Variants in URB1 observed in about 807,000 individuals in gnomAD.
URB1 encodes the protein nucleolar pre-ribosomal-associated protein 1.
Under a neutral mutation model 242.3 loss-of-function variants are expected in URB1, and 197 were observed. The observed-to-expected ratio is 0.81, with a 90% CI of 0.72 to 0.91. URB1 has a LOEUF of 0.91. URB1 is among the 40% of genes least tolerant of loss of function. The pLI is 0.00. For synonymous variants in URB1, 1,153 were observed against 1,201.8 expected (o/e 0.96, Z 0.84); for missense variants, 2,721 against 2,860.5 (o/e 0.95, Z 1.11).
chr21:32,342,430 G>A (rs2033040398), intron 24 of URB1, among the ~76,000 whole-genome samples: 1 of 152,150 alleles, frequency 6.6e-6, no homozygotes, highest in Admixed American at 6.5e-5. Context: ...AGGAGATCCT[G>A]GACCCATCAG....
rs751332796 is a variant in URB1 at position 32,345,277 on chromosome 21, A to G, written c.4070+97T>C. On this transcript the variant is annotated intron_variant, in intron 23 of 38. Coordinates refer to ENST00000382751, the MANE Select transcript of URB1 (RefSeq NM_014825.3). ...ACTGCCTGATCACAGATGGGGCACA[A>G]CAGTAATGCAGCAGTTTTTCAATGA... 241 of 1,324,134 alleles carry G rather than the reference A, an allele frequency of 1.8e-4. 1 individual carries two copies. Among genetic ancestry groups the G allele is most frequent in the Non-Finnish European group, 2.3e-4 (221 of 955,070 alleles). The allele number at this position is 1,324,134 out of a possible 1,614,324, so 82.0% of individuals were successfully genotyped here. A position where few individuals can be genotyped will look rare whatever the true frequency, so the allele number is the denominator to read the frequency against.
chr21:32,389,773 G>C (rs80033452), intron 1 of URB1, among the ~76,000 whole-genome samples: 2,045 of 152,318 alleles, frequency 0.013, 60 homozygotes, highest in African/African-American at 0.047. Flanking sequence ...CACCAGTGGA[G>C]TCGTGGGCAA....
Position 32,334,305 on chromosome 21 carries a change from T to A in URB1, c.4715A>T (p.Glu1572Val). The A allele has an allele frequency of 6.4e-7, 1 of 1,550,874 alleles. No individual in the cohort carries two copies. Among genetic ancestry groups the A allele is most frequent in the Non-Finnish European group, 8.7e-7 (1 of 1,146,510 alleles). ...CAGGCTCCGGCACGTCTTGTGATGC[T>A]CCACGGCCGCTGGGCCCCACAGCAG... ...RVLLWGPAAVEHHKTCRSLGR... is the reference protein window; with the variant it reads ...RVLLWGPAAVVHHKTCRSLGR... The change falls in exon 29 of 39, where the codon GAG becomes GTG. Residue 1572 changes from glutamate to valine, a missense_variant. Glu to Val is a moderately radical substitution (Grantham distance 121). Transcript: ENST00000382751.
chr21:32,390,456 A>G (rs1025060115), intron 1 of URB1, among the ~76,000 whole-genome samples: 1 of 143,372 alleles, frequency 7.0e-6, no homozygotes, highest in Non-Finnish European at 1.5e-5. Context: ...TCCTTTGCCC[A>G]CTTTTTGATG....
chr21:32,356,459 A>C (rs1013857176), intron 15 of URB1, among the ~76,000 whole-genome samples: 1 of 152,198 alleles, frequency 6.6e-6, no homozygotes, highest in African/African-American at 2.4e-5. Flanking sequence ...CATTTCCTAA[A>C]TAAAAAGAAG....
In URB1 at chr21:32,325,323, C is replaced by T; in HGVS notation, c.5027G>A (p.Ser1676Asn). The T allele has an allele frequency of 6.4e-7, 1 of 1,551,716 alleles. No homozygotes were observed. Among genetic ancestry groups the T allele is most frequent in the Non-Finnish European group, 8.7e-7 (1 of 1,146,998 alleles). Residue 1676 changes from serine to asparagine, a missense_variant, in exon 31 of 39, where the codon AGC (serine) becomes AAC (asparagine). By Grantham distance (46) the Ser-to-Asn change is conservative. Coordinates refer to ENST00000382751, the MANE Select transcript of URB1 (RefSeq NM_014825.3). ...NALGLTVTAL[S>N]SYDPQMRAIA... is the part of the protein sequence containing the mutation. ...GGCTCGCATCTGGGGGTCATAGCTG[C>T]TGAGGGCTGTGACAGTTAGGCCCAG...
At chr21:32,330,384 G>A (rs369779792) in intron 30 of URB1, among the ~76,000 whole-genome samples, 78 of 150,726 alleles carry the variant, frequency 5.2e-4, no homozygotes, top group African/African-American at 1.7e-3. Context: ...TTAAATAGTC[G>A]TATTTGGAAA....
chr21:32,363,526 T>C (rs536322416), intron 10 of URB1, among the ~76,000 whole-genome samples, 197 bp from the exon 11 acceptor site: 5 of 152,310 alleles, frequency 3.3e-5, no homozygotes, highest in African/African-American at 1.2e-4. Context: ...CTTCAGCAAT[T>C]GCCAGGAAAT....
chr21:32,333,927 AAT>A (rs751158295), intron 29 of URB1, among the ~76,000 whole-genome samples: 12 of 152,228 alleles, frequency 7.9e-5, no homozygotes, highest in Admixed American at 7.9e-4. Flanking sequence ...GCTGCAACAT[AAT>A]CTCCTTGGGG....
At chr21:32,386,054 A>C (rs1264450259) in intron 1 of URB1, among the ~76,000 whole-genome samples, 1 of 151,568 alleles carries the variant, frequency 6.6e-6, no homozygotes, top group Admixed American at 6.6e-5. Context: ...TGGGAGGCTG[A>C]GGCAGAATTG....
Position 32,347,393 on chromosome 21 carries a change from G to C in URB1, c.3431C>G (p.Pro1144Arg). The change falls in exon 22 of 39, where the codon CCC becomes CGC. Residue 1144 changes from proline (P) to arginine (R), a missense_variant. Coordinates refer to ENST00000382751, the MANE Select transcript of URB1 (RefSeq NM_014825.3). ...AGCATTCAGGTGTCTTTCCTTCCCGGGGGATTTCGTGGGTTGCTGGGTCAC... is the reference window on the plus strand; with the variant it reads ...AGCATTCAGGTGTCTTTCCTTCCCGCGGGATTTCGTGGGTTGCTGGGTCAC... The part of the protein sequence containing the change: ...HLVTQQPTKS[P>R]GKERHLNALG... 6.4e-7 allele frequency: 1 copy of C among 1,551,510 alleles called. No individual in the cohort carries two copies. Among genetic ancestry groups the C allele is most frequent in the Non-Finnish European group, 8.7e-7 (1 of 1,146,996 alleles).
chr21:32,373,861 T>C, intron 6 of URB1, 89 bp from the exon 7 acceptor site: 1 of 1,209,896 alleles, frequency 8.3e-7, no homozygotes, highest in Non-Finnish European at 1.1e-6. Context: ...CTTACTGTTT[T>C]CTCATCATTA....
intron 30 of URB1, among the ~76,000 whole-genome samples, chr21:32,329,570 C>T (rs1424127982): frequency 2.0e-5 from 3 of 152,232 alleles, no homozygotes; most frequent in African/African-American, 4.8e-5. Flanking sequence ...AAGCATTTGT[C>T]ACTGCCATTG....
Position 32,347,950 on chromosome 21 carries a change from C to A in URB1, c.3013-139G>T, listed in dbSNP as rs376490181. On this transcript the variant is annotated intron_variant, in intron 21 of 38. Coordinates refer to ENST00000382751, the MANE Select transcript of URB1 (RefSeq NM_014825.3). ...TTTCCTAATCCATTCCATCCTCAAG[C>A]CTACATTTCCATGCCCCCCTCGGGG... The A allele has an allele frequency of 8.5e-5, 115 of 1,358,280 alleles. No homozygotes were observed. The African/African-American group carries it at 1.5e-3, about 18-fold the overall frequency. 84.1% of individuals were successfully genotyped at this position (1,358,280 alleles called of 1,614,324 possible).
intron 30 of URB1, 118 bp downstream of exon 30, chr21:32,333,199 G>A: frequency 2.3e-6 from 2 of 856,574 alleles, no homozygotes; most frequent in African/African-American, 1.7e-5. Context: ...GATCCTTTAA[G>A]AATTATTTCC....
chr21:32,315,941 C>T (rs900476453), intron 38 of URB1, among the ~76,000 whole-genome samples: 1 of 152,214 alleles, frequency 6.6e-6, no homozygotes, highest in African/African-American at 2.4e-5. Context: ...GGAGCTCTAA[C>T]GGCCCCCTGG....
intron 30 of URB1, among the ~76,000 whole-genome samples, chr21:32,329,439 A>ATT (rs2123555366): frequency 6.6e-6 from 1 of 152,290 alleles, no homozygotes; most frequent in Non-Finnish European, 1.5e-5. Context: ...CTGGTCATCT[A>ATT]GTGATGAGGC....
chr21:32,383,131 C>A (rs1161601108), intron 4 of URB1, among the ~76,000 whole-genome samples: 1 of 152,188 alleles, frequency 6.6e-6, no homozygotes, highest in Non-Finnish European at 1.5e-5. Context: ...AGAGGAGATG[C>A]CCACAGCTAA....
rs2123542336 is a variant in URB1, at chr21:32,319,427, A to G, written c.5595-13T>C. The G allele has an allele frequency of 6.7e-7, 1 of 1,501,560 alleles. No individual in the cohort carries two copies. The highest frequency in any genetic ancestry group is 1.3e-5 in the South Asian group (1 of 76,042). 93.0% of individuals were successfully genotyped at this position (1,501,560 alleles called of 1,614,324 possible). On this transcript the variant is annotated splice_polypyrimidine_tract_variant and intron_variant, in intron 35 of 38. Transcript: ENST00000382751. The stretch of plus-strand genomic sequence containing the variant: ...AGTCTCCAGAAACCTAAAACCAAGC[A>G]CAACAGCCTTCAATCCGCCACATCC...
Sources: allele counts gnomAD v4.1 joint callset (sites outside exome capture counted in the v4.1 genomes callset), GRCh38; gene constraint gnomAD v4.1.1; transcripts MANE v1.5; gene names NCBI Gene and HGNC (gene_info 2026-07-23, HGNC 2026-07-21).